Variants in FBXW11 observed in about 807,000 individuals in gnomAD.
The protein encoded by FBXW11 is F-box and WD repeat domain containing 11.
A neutral mutation model predicts 77.6 loss-of-function variants in FBXW11; 19 were observed. That is an observed-to-expected ratio of 0.24 (90% confidence interval 0.17 to 0.36). The LOEUF (loss-of-function observed/expected upper bound fraction) is 0.36, where lower values mean the gene tolerates loss of function less well. Ranked by LOEUF, FBXW11 falls within the 10% of genes least tolerant of loss-of-function variation. The pLI, the probability that FBXW11 is intolerant of heterozygous loss-of-function variation, is 1.00. For synonymous variants in FBXW11, 235 were observed against 249.4 expected, an observed-to-expected ratio of 0.94 and a Z score of 0.54; for missense variants, 334 against 704.2, an observed-to-expected ratio of 0.47 and a Z score of 5.95.
chr5:171,964,399 A>T (rs535984466), intron 1 of FBXW11, among the ~76,000 whole-genome samples: 9 of 152,382 alleles, frequency 5.9e-5, no homozygotes, highest in African/African-American at 2.2e-4. Flanking sequence ...GTCTTGATGA[A>T]TCAGACAATA....
intron 1 of FBXW11, among the ~76,000 whole-genome samples, chr5:171,989,706 A>G (rs1408160417): frequency 5.3e-5 from 8 of 152,226 alleles, no homozygotes; most frequent in Admixed American, 5.2e-4. Flanking sequence ...AACCAAATAC[A>G]AAGGATGTAC....
chr5:172,001,357 A>G (rs1219422650), intron 1 of FBXW11, among the ~76,000 whole-genome samples: 1 of 152,250 alleles, frequency 6.6e-6, no homozygotes, highest in Non-Finnish European at 1.5e-5. Flanking sequence ...TATTGTGAGA[A>G]TTAGTAATGT....
intron 2 of FBXW11, chr5:171,916,572 G>GA: frequency 1.4e-5 from 7 of 508,204 alleles, no homozygotes; most frequent in South Asian, 1.7e-4. Flanking sequence ...TATTTATGGA[G>GA]GTCTCTCCAT....
At chr5:171,990,613 T>A (rs1765684830) in intron 1 of FBXW11, among the ~76,000 whole-genome samples, 2 of 152,184 alleles carry the variant, frequency 1.3e-5, no homozygotes, top group African/African-American at 4.8e-5. Context: ...TTATGGCATA[T>A]TTGTACAATA....
At chr5:171,913,830 C>CACACACAT (rs750679659) in intron 3 of FBXW11, among the ~76,000 whole-genome samples, 14,110 of 123,142 alleles carry the variant, frequency 0.11, 1,066 homozygotes, top group Non-Finnish European at 0.13. Context: ...CACACACACA[C>CACACACAT]ACACACACAC....
intron 2 of FBXW11, among the ~76,000 whole-genome samples, chr5:171,924,293 G>C (rs560534600): frequency 6.6e-6 from 1 of 152,032 alleles, no homozygotes; most frequent in Non-Finnish European, 1.5e-5. Flanking sequence ...TGAAGCCCAC[G>C]ACCCAGAGTG....
intron 2 of FBXW11, among the ~76,000 whole-genome samples, chr5:171,948,584 AAAC>A (rs777984539): frequency 7.9e-4 from 121 of 152,278 alleles, no homozygotes; most frequent in Non-Finnish European, 1.2e-3. Flanking sequence ...TTTAATTAAA[AAAC>A]AACAACAACA....
chr5:172,002,564 C>A (rs1232943046), intron 1 of FBXW11, among the ~76,000 whole-genome samples: 5 of 150,100 alleles, frequency 3.3e-5, no homozygotes, highest in African/African-American at 9.8e-5. Flanking sequence ...TATCCAATTT[C>A]TTGATGAAGT....
intron 1 of FBXW11, among the ~76,000 whole-genome samples, chr5:171,966,524 G>A (rs951573623): frequency 6.6e-5 from 10 of 152,132 alleles, no homozygotes; most frequent in Admixed American, 2.6e-4. Flanking sequence ...ATCTATTTCC[G>A]GCATAGCCAC....
intron 2 of FBXW11, 23 bp from the exon 3 acceptor site, chr5:171,914,428 T>A (rs1412192770): frequency 6.4e-7 from 1 of 1,559,920 alleles, no homozygotes; most frequent in African/African-American, 1.4e-5. Context: ...AAACAGGTTA[T>A]TTGAATTATA....
intron 2 of FBXW11, among the ~76,000 whole-genome samples, chr5:171,927,356 G>A (rs930243806): frequency 2.0e-5 from 3 of 152,056 alleles, no homozygotes; most frequent in African/African-American, 7.2e-5. Context: ...GAAGAAAAAA[G>A]GCAACTTACA....
intron 1 of FBXW11, among the ~76,000 whole-genome samples, chr5:171,981,199 C>A (rs1765126742): frequency 6.6e-6 from 1 of 152,088 alleles, no homozygotes; most frequent in Non-Finnish European, 1.5e-5. Flanking sequence ...GGATGGCAAA[C>A]ATATGCCTCT....
intron 2 of FBXW11, among the ~76,000 whole-genome samples, chr5:171,950,434 C>T (rs567345465): frequency 5.9e-5 from 9 of 151,702 alleles, no homozygotes; most frequent in African/African-American, 1.9e-4. Flanking sequence ...CCTGTACTCT[C>T]GCCTCCACCC....
intron 6 of FBXW11, among the ~76,000 whole-genome samples, chr5:171,894,162 T>A (rs1056745119): frequency 1.3e-5 from 2 of 152,194 alleles, no homozygotes; most frequent in African/African-American, 4.8e-5. Flanking sequence ...CTGTGATACA[T>A]CAGTCCCCTG....
At chr5:171,871,002 C>G (rs1450145069) in intron 10 of FBXW11, 144 bp from the exon 11 acceptor site, 1 of 600,264 alleles carries the variant, frequency 1.7e-6, no homozygotes, top group Non-Finnish European at 3.0e-6. Context: ...GTACACACCA[C>G]ACATATAAAG....
At chr5:171,899,802 CCT>C in intron 5 of FBXW11, 110 bp downstream of exon 5, 1 of 954,260 alleles carries the variant, frequency 1.0e-6, no homozygotes, top group East Asian at 2.5e-5. Flanking sequence ...CATTTTCCCC[CCT>C]TTTTAAAAAT....
intron 1 of FBXW11, chr5:171,977,773 T>G: frequency 2.9e-6 from 1 of 340,758 alleles, no homozygotes; most frequent in Non-Finnish European, 5.8e-6. Context: ...AGATCAGATC[T>G]CGTGAGACTT....
chr5:171,921,912 A>T (rs1307051321), intron 2 of FBXW11, among the ~76,000 whole-genome samples: 2 of 152,050 alleles, frequency 1.3e-5, no homozygotes, highest in South Asian at 4.2e-4. Flanking sequence ...CTAATTTTTT[A>T]AAATTTTTCA....
chr5:172,001,259 G>A (rs1468265514), intron 1 of FBXW11, among the ~76,000 whole-genome samples: 1 of 152,176 alleles, frequency 6.6e-6, no homozygotes, highest in African/African-American at 2.4e-5. Context: ...ATCAAACACA[G>A]CCTCTAGAAG....
Sources: gnomAD v4.1 joint callset for allele counts (sites outside exome capture counted in the v4.1 genomes callset) on GRCh38, gnomAD v4.1.1 for gene constraint, MANE v1.5 for transcripts, NCBI Gene and HGNC (gene_info 2026-07-23, HGNC 2026-07-21) for gene names.